Variants in NEGR1 observed in about 807,000 individuals in gnomAD.
NEGR1 encodes neuronal growth regulator 1, also known as IgLON family member 4.
In NEGR1, 10 loss-of-function variants were observed where a neutral mutation model predicts 40.9. The ratio of observed to expected loss-of-function variants is 0.24; its 90% CI spans 0.15 to 0.42. The LOEUF (loss-of-function observed/expected upper bound fraction) is 0.42. Among genes scored for constraint, NEGR1 ranks in the 10% least tolerant of loss-of-function variants. The pLI is 1.00. For synonymous variants in NEGR1, 185 were observed against 166.8 expected, an observed-to-expected ratio of 1.11 and a Z score of -0.84; for missense variants, 352 against 438.9, an observed-to-expected ratio of 0.80 and a Z score of 1.77.
At chr1:72,162,456 C>CCAAA (rs745791852) in intron 1 of NEGR1, among the ~76,000 whole-genome samples, 57 of 151,620 alleles carry the variant, frequency 3.8e-4, no homozygotes, top group South Asian at 8.3e-4. Flanking sequence ...ACAGAGGAAG[C>CCAAA]CAAACAAACA....
At chr1:71,868,471 AATAC>A (rs56859630) in intron 2 of NEGR1, among the ~76,000 whole-genome samples, 23,955 of 147,888 alleles carry the variant, frequency 0.16, 2,602 homozygotes, top group African/African-American at 0.31. Context: ...AGATAGACAG[AATAC>A]ATACATACAT....
intron 3 of NEGR1, among the ~76,000 whole-genome samples, chr1:71,772,056 A>T (rs1486194577): frequency 2.0e-5 from 3 of 152,198 alleles, no homozygotes; most frequent in Non-Finnish European, 4.4e-5. Context: ...TTGATTGAAA[A>T]TAACATCACA....
chr1:71,525,952 G>A lies in NEGR1; in HGVS notation c.940+66865C>T, dbSNP rs75442182. 1.8e-4 allele frequency among the ~76,000 whole-genome samples: 27 copies of A among 151,604 alleles called. No homozygotes were observed. In the East Asian group the frequency reaches 3.9e-3, roughly 22 times the overall value. On this transcript the variant is annotated intron_variant, in intron 6 of 6. Transcript: ENST00000357731. ...CTTTAGTGGCATGTTACTTTGAGCC[G>A]AGAGTAAATCATAAGCCAAATAGCC...
At chr1:71,942,719 G>A (rs559217639) in intron 1 of NEGR1, among the ~76,000 whole-genome samples, 77 of 142,770 alleles carry the variant, frequency 5.4e-4, no homozygotes, top group Non-Finnish European at 9.3e-4. Context: ...AGCCGGGATG[G>A]TCTCGATCTC....
chr1:71,775,045 C>T (rs917446418), intron 3 of NEGR1, among the ~76,000 whole-genome samples: 1 of 152,196 alleles, frequency 6.6e-6, no homozygotes, highest in Non-Finnish European at 1.5e-5. Context: ...AAATTTAATT[C>T]TAACTCCAAA....
At chr1:71,949,656 T>C (rs896413529) in intron 1 of NEGR1, among the ~76,000 whole-genome samples, 9 of 152,198 alleles carry the variant, frequency 5.9e-5, no homozygotes, top group Middle Eastern at 3.4e-3. Flanking sequence ...TATTGTACTT[T>C]AGAACTTTTG....
intron 6 of NEGR1, among the ~76,000 whole-genome samples, chr1:71,465,502 A>G (rs1448328774): frequency 6.6e-6 from 1 of 152,062 alleles, no homozygotes; most frequent in Non-Finnish European, 1.5e-5. Flanking sequence ...ACACATGTTG[A>G]TTTGGAGAAA....
Position 71,402,748 on chromosome 1 carries a change from G to A in NEGR1, c.*4698C>T, listed in dbSNP as rs1461400746. On this transcript the variant is annotated 3_prime_UTR_variant, in exon 7 of 7. Coordinates refer to ENST00000357731, the MANE Select transcript of NEGR1 (RefSeq NM_173808.3). ...TTACATTTCTGACTGTCAGGTTAAA[G>A]TGAATAATTATTTTCTGTATACCAA... 2 of 152,072 alleles carry A rather than the reference G, an allele frequency of 1.3e-5. No individual in the cohort carries two copies. Among genetic ancestry groups the A allele is most frequent in the African/African-American group, 4.8e-5 (2 of 41,422 alleles). The allele number at this position is 152,072 out of a possible 1,614,324, so 9.4% of individuals were successfully genotyped here. A position where few individuals can be genotyped will look rare whatever the true frequency, so the allele number is the denominator to read the frequency against.
At chr1:71,785,219 C>T (rs1371449608) in intron 2 of NEGR1, among the ~76,000 whole-genome samples, 1 of 152,190 alleles carries the variant, frequency 6.6e-6, no homozygotes, top group Non-Finnish European at 1.5e-5. Context: ...CTGGAGCACA[C>T]TTATTGTCGT....
At chr1:72,274,773 T>C in intron 1 of NEGR1, 1 of 1,353,860 alleles carries the variant, frequency 7.4e-7, no homozygotes, top group Non-Finnish European at 1.1e-6. Context: ...AGTTCATCTG[T>C]GACCCCAGCT....
intron 6 of NEGR1, among the ~76,000 whole-genome samples, chr1:71,493,158 A>G (rs1214090029): frequency 1.3e-5 from 2 of 152,064 alleles, no homozygotes; most frequent in Non-Finnish European, 2.9e-5. Flanking sequence ...AAATTGGATC[A>G]CTTTATACTT....
At chr1:71,727,237 A>G (rs1654703566) in intron 3 of NEGR1, among the ~76,000 whole-genome samples, 1 of 152,072 alleles carries the variant, frequency 6.6e-6, no homozygotes, top group Non-Finnish European at 1.5e-5. Flanking sequence ...ATTTCTTATA[A>G]TTTATACTTT....
chr1:71,943,000 G>A (rs1466103155), intron 1 of NEGR1, among the ~76,000 whole-genome samples: 4 of 121,668 alleles, frequency 3.3e-5, no homozygotes, highest in East Asian at 4.2e-4. Context: ...ATATATATGT[G>A]TGTGTATATA....
intron 6 of NEGR1, among the ~76,000 whole-genome samples, chr1:71,496,764 G>A (rs533885516): frequency 6.6e-5 from 10 of 152,024 alleles, no homozygotes; most frequent in Non-Finnish European, 1.2e-4. Context: ...TGGGGGATGT[G>A]CAATAGATCA....
chr1:72,053,542 C>T (rs537588291), intron 1 of NEGR1, among the ~76,000 whole-genome samples: 2 of 150,874 alleles, frequency 1.3e-5, no homozygotes, highest in African/African-American at 4.8e-5. Context: ...ATTTTTTTCA[C>T]ATCACGTTAG....
intron 6 of NEGR1, among the ~76,000 whole-genome samples, chr1:71,450,800 C>G (rs528424055): frequency 2.0e-5 from 3 of 150,702 alleles, no homozygotes; most frequent in Non-Finnish European, 4.4e-5. Context: ...CAGAGCGAGA[C>G]TCGGTCTCAG....
intron 4 of NEGR1, among the ~76,000 whole-genome samples, chr1:71,639,940 T>C (rs1021830100): frequency 6.6e-6 from 1 of 152,104 alleles, no homozygotes; most frequent in East Asian, 1.9e-4. Context: ...ATAATTGTTA[T>C]ACTTTTTGCA....
chr1:72,054,694 T>C (rs1647094612), intron 1 of NEGR1, among the ~76,000 whole-genome samples: 1 of 151,240 alleles, frequency 6.6e-6, no homozygotes, highest in Non-Finnish European at 1.5e-5. Context: ...GTTGACTTAA[T>C]CCAGTATCTG....
chr1:72,221,072 T>G (rs1653997801), intron 1 of NEGR1, among the ~76,000 whole-genome samples: 1 of 152,146 alleles, frequency 6.6e-6, no homozygotes, highest in South Asian at 2.1e-4. Flanking sequence ...CATGGTTGGT[T>G]CTTTCTTAAG....
Sources: allele counts gnomAD v4.1 joint callset (sites outside exome capture counted in the v4.1 genomes callset), GRCh38; gene constraint gnomAD v4.1.1; transcripts MANE v1.5; gene names NCBI Gene and HGNC (gene_info 2026-07-23, HGNC 2026-07-21).